IQSEC3: variants seen among roughly 807,000 people sequenced by gnomAD.
IQSEC3 encodes IQ motif and Sec7 domain ArfGEF 3.
IQSEC3 carries 50 observed loss-of-function variants against 105.4 expected under a neutral mutation model. The ratio of observed to expected loss-of-function variants is 0.47; its 90% CI spans 0.38 to 0.60. IQSEC3 has a LOEUF of 0.60. Ranked by LOEUF, IQSEC3 falls within the 20% of genes least tolerant of loss-of-function variation. The pLI, the probability that IQSEC3 is intolerant of heterozygous loss-of-function variation, is 0.00. For synonymous variants in IQSEC3, 708 were observed against 746.0 expected (o/e 0.95, Z 0.83); for missense variants, 1,415 against 1,630.0 (o/e 0.87, Z 2.27).
At chr12:113,752 C>T (rs782200374) in intron 2 of IQSEC3, among the ~76,000 whole-genome samples, 108 of 152,108 alleles carry the variant, frequency 7.1e-4, no homozygotes, top group Non-Finnish European at 7.3e-4. Flanking sequence ...GTTTACTGAT[C>T]ACTGAAGAAC....
chr12:150,609 C>T lies in IQSEC3; in HGVS notation c.2154-6416C>T, dbSNP rs530569382. On this transcript the variant is annotated intron_variant, in intron 5 of 13. Transcript: ENST00000538872. ...TCCAGAAGGGAGCAATTAACCATGT[C>T]GATGCTGCCAAGGGGCTGGGATGAG... Among the ~76,000 whole-genome samples, 70 of 152,262 alleles carry T rather than the reference C, an allele frequency of 4.6e-4. No individual in the cohort carries two copies. The South Asian group carries it at 7.7e-3, about 17-fold the overall frequency.
intron 2 of IQSEC3, among the ~76,000 whole-genome samples, chr12:109,920 T>C (rs1250228259): frequency 2.0e-5 from 3 of 152,226 alleles, no homozygotes; most frequent in Non-Finnish European, 4.4e-5. Context: ...TTTCTCTCTC[T>C]GGGCACAAGC....
At chr12:132,920 T>C (rs1415064255) in intron 3 of IQSEC3, among the ~76,000 whole-genome samples, 1 of 152,214 alleles carries the variant, frequency 6.6e-6, no homozygotes. Flanking sequence ...TGAAATAATT[T>C]AATCCTCACA....
At position 176,620 on chromosome 12, in the gene IQSEC3, T is replaced by TTGTGTG. The variant is rs111820563; in HGVS notation, c.*1600_*1605dup. 1 of 151,414 alleles carries TTGTGTG rather than the reference T, an allele frequency of 6.6e-6. No individual in the cohort carries two copies. Among genetic ancestry groups the TTGTGTG allele is most frequent in the African/African-American group, 2.4e-5 (1 of 41,270 alleles). 9.4% of individuals were successfully genotyped at this position (151,414 alleles called of 1,614,324 possible). On this transcript the variant is annotated 3_prime_UTR_variant, in exon 14 of 14. Transcript: ENST00000538872. The surrounding 1 kb of genome is among the most constrained non-coding windows in gnomAD (Gnocchi z 4.0). ...AGGTTCCAGATGACCTAGTTTCGTTTTGTGTGTGTGTGTGTGTGGTCACCC... is the reference window on the plus strand; with the variant it reads ...AGGTTCCAGATGACCTAGTTTCGTTTTGTGTGTGTGTGTGTGTGTGTGTGGTCACCC...
Position 138,385 on chromosome 12 carries a change from C to G in IQSEC3, c.1022C>G (p.Ser341Trp). The G allele has an allele frequency of 6.2e-7, 1 of 1,611,676 alleles. No homozygotes were observed. The highest frequency in any genetic ancestry group is 8.5e-7 in the Non-Finnish European group (1 of 1,179,936). The change falls in exon 4 of 14, where the codon TCG becomes TGG. Residue 341 changes from serine (S) to tryptophan (W), a missense_variant. Around this residue, in one of 6 missense-constraint regions of IQSEC3, gnomAD observed 720 missense variants for 633.0 expected, o/e 1.14. Coordinates refer to ENST00000538872, the MANE Select transcript of IQSEC3 (RefSeq NM_001170738.2). This position sits in a 1 kb window ranked among gnomAD's most constrained non-coding sequence, Gnocchi z 7.1. ...LSKNFEKIRN[S>W]LLESRLPRRI... ...AAGAACTTCGAGAAAATCCGCAACT[C>G]GCTTCTGGAGAGCCGCCTGCCACGG...
intron 1 of IQSEC3, among the ~76,000 whole-genome samples, chr12:74,766 G>T (rs567500909): frequency 6.6e-6 from 1 of 152,282 alleles, no homozygotes; most frequent in Non-Finnish European, 1.5e-5. Context: ...AGATATCAGA[G>T]CTAGAAGGAT....
intron 2 of IQSEC3, 111 bp from the exon 3 acceptor site, chr12:125,522 T>A: frequency 8.7e-7 from 1 of 1,145,236 alleles, no homozygotes; most frequent in Non-Finnish European, 1.2e-6. Flanking sequence ...CCTCCAGTCC[T>A]TGCCACAGGA....
At chr12:128,128 T>C (rs183940207) in intron 3 of IQSEC3, among the ~76,000 whole-genome samples, 2 of 152,298 alleles carry the variant, frequency 1.3e-5, no homozygotes, top group African/African-American at 4.8e-5. Context: ...TTGCTTTAGG[T>C]ACCTCTTCCT....
chr12:141,449 T>C (rs1555089260), intron 5 of IQSEC3, 164 bp downstream of exon 5: 2 of 702,854 alleles, frequency 2.8e-6, no homozygotes, highest in African/African-American at 1.8e-5. Flanking sequence ...ATCACCCCAG[T>C]GGGCCGGAGC....
intron 1 of IQSEC3, among the ~76,000 whole-genome samples, chr12:68,507 G>A (rs1445166403): frequency 6.6e-6 from 1 of 152,210 alleles, no homozygotes; most frequent in Admixed American, 6.5e-5. Context: ...AAGAAGATAT[G>A]AAAGTGTCTG....
At chr12:161,891 C>T in intron 7 of IQSEC3, 35 bp from the exon 8 acceptor site, 1 of 1,235,756 alleles carries the variant, frequency 8.1e-7, no homozygotes, top group Non-Finnish European at 1.1e-6. Context: ...TCCCTCCCAA[C>T]CCCACCACCA....
At chr12:124,992 C>G (rs1004249497) in intron 2 of IQSEC3, among the ~76,000 whole-genome samples, 1 of 152,136 alleles carries the variant, frequency 6.6e-6, no homozygotes, top group African/African-American at 2.4e-5. Context: ...GCCGCAGCCC[C>G]CACACCTGGA....
At chr12:104,953 G>C (rs1864593631) in intron 2 of IQSEC3, among the ~76,000 whole-genome samples, 1 of 152,276 alleles carries the variant, frequency 6.6e-6, no homozygotes. Flanking sequence ...CTGGGGCGCC[G>C]CGGCCTCACG....
intron 5 of IQSEC3, among the ~76,000 whole-genome samples, chr12:154,102 A>G (rs1232137922): frequency 6.6e-6 from 1 of 152,150 alleles, no homozygotes; most frequent in Non-Finnish European, 1.5e-5. Flanking sequence ...TTCGAGGCCC[A>G]CGAGGGGTGT....
intron 2 of IQSEC3, among the ~76,000 whole-genome samples, chr12:119,684 C>A (rs937470077): frequency 4.6e-5 from 7 of 152,180 alleles, no homozygotes; most frequent in African/African-American, 1.7e-4. Context: ...CCGCAAAAGC[C>A]CAGCAGCAGC....
rs1939266089 is a variant in IQSEC3 at position 177,229 on chromosome 12, G to A, written c.*2196G>A. 1 of 87,658 alleles carries A rather than the reference G, an allele frequency of 1.1e-5. No homozygotes were observed. Among genetic ancestry groups the A allele is most frequent in the Non-Finnish European group, 2.6e-5 (1 of 38,166 alleles). The allele number at this position is 87,658 out of a possible 1,614,324, so 5.4% of individuals were successfully genotyped here. ...CAGCTCTTCAAGCTTACCAAGGACA[G>A]GCAGAACCCCGTCCCCTGCTCACAC... On this transcript the variant is annotated 3_prime_UTR_variant, in exon 14 of 14. Transcript: ENST00000538872. This position sits in a 1 kb window ranked among gnomAD's most constrained non-coding sequence, Gnocchi z 5.3.
chr12:80,961 G>C (rs928438191), intron 1 of IQSEC3, among the ~76,000 whole-genome samples: 3 of 152,208 alleles, frequency 2.0e-5, no homozygotes, highest in Admixed American at 2.0e-4. Context: ...GAGAGCACAG[G>C]GAGAGGCGCC....
intron 2 of IQSEC3, among the ~76,000 whole-genome samples, chr12:115,093 G>C (rs1555080370): frequency 6.6e-6 from 1 of 152,204 alleles, no homozygotes; most frequent in African/African-American, 2.4e-5. Context: ...GGGGAATCTT[G>C]CTCCCTGGTA....
At chr12:146,518 C>T (rs938701402) in intron 5 of IQSEC3, among the ~76,000 whole-genome samples, 1 of 152,110 alleles carries the variant, frequency 6.6e-6, no homozygotes, top group African/African-American at 2.4e-5. Context: ...TGGTGGCGGG[C>T]ACCTGTGGTC....
Sources: allele counts gnomAD v4.1 joint callset (sites outside exome capture counted in the v4.1 genomes callset), GRCh38; gene constraint gnomAD v4.1.1; regional missense constraint gnomAD v4.1.1; non-coding constraint Gnocchi (gnomAD v3.1); transcripts MANE v1.5; gene names NCBI Gene and HGNC (gene_info 2026-07-23, HGNC 2026-07-21).